Variants in STRN observed in about 807,000 individuals in gnomAD.
STRN encodes the protein protein phosphatase 2 regulatory subunit B'''alpha.
A neutral mutation model predicts 96.3 loss-of-function variants in STRN; 53 were observed. That is an observed-to-expected ratio of 0.55 (90% CI 0.44 to 0.69). The LOEUF (loss-of-function observed/expected upper bound fraction) is 0.69, where lower values mean the gene tolerates loss of function less well. Ranked by LOEUF, STRN falls within the 30% of genes least tolerant of loss-of-function variation. STRN has a pLI of 0.00. For synonymous variants in STRN, 428 were observed against 355.9 expected, an observed-to-expected ratio of 1.20 and a Z score of -2.28; for missense variants, 987 against 963.9, an observed-to-expected ratio of 1.02 and a Z score of -0.32.
chr2:36,876,485 T>C (rs939884495), intron 10 of STRN, among the ~76,000 whole-genome samples: 4 of 151,700 alleles, frequency 2.6e-5, no homozygotes, highest in African/African-American at 9.7e-5. Context: ...AGGTTGGGAG[T>C]TTTTTTATCT....
chr2:36,886,878 C>T lies in STRN; in HGVS notation c.932-52G>A, dbSNP rs758431126. 2.1e-6 allele frequency: 3 copies of T among 1,423,700 alleles called. No individual in the cohort carries two copies. The South Asian group carries it at 3.8e-5, about 18-fold the overall frequency. 88.2% of individuals were successfully genotyped at this position (1,423,700 alleles called of 1,614,324 possible). The stretch of plus-strand genomic sequence containing the variant: ...GCCTTTTTCAATAAAATATTGAACA[C>T]TCTGAGTCAGTATGTCTGAATGACG... On this transcript the variant is annotated intron_variant, in intron 7 of 17. Transcript: ENST00000263918.
intron 3 of STRN, among the ~76,000 whole-genome samples, chr2:36,912,335 C>A (rs1035669094): frequency 6.6e-6 from 1 of 152,182 alleles, no homozygotes; most frequent in Non-Finnish European, 1.5e-5. Context: ...ACCTTCACAA[C>A]CTAAGCTTCC....
Position 36,894,031 on chromosome 2 carries a change from A to T in STRN, c.798T>A (p.Ile266=). 5 of 1,609,078 alleles carry T rather than the reference A, an allele frequency of 3.1e-6. No homozygotes were observed. The highest frequency in any genetic ancestry group is 4.2e-6 in the Non-Finnish European group (5 of 1,178,886). ...TGTCAGGCAATGCTTTTTTCCTAACAATCTAATGAAAAAACATGCTAAATT... is the reference window on the plus strand; with the variant it reads ...TGTCAGGCAATGCTTTTTTCCTAACTATCTAATGAAAAAACATGCTAAATT... ...REKSVIDTST[I]VRKKALPDSG... Residue 266 remains isoleucine (I), a splice_region_variant and synonymous_variant, in exon 7 of 18, where the codon ATT becomes ATA. Transcript: ENST00000263918.
intron 1 of STRN, among the ~76,000 whole-genome samples, chr2:36,944,488 A>T (rs961278642): frequency 5.9e-5 from 9 of 152,226 alleles, no homozygotes; most frequent in Non-Finnish European, 2.9e-5. Flanking sequence ...AATCCATTAC[A>T]TAAGCCCATG....
At position 36,855,359 on chromosome 2, in the gene STRN, G is replaced by C. The variant is rs1323867035; in HGVS notation, c.1838-7C>G. The C allele has an allele frequency of 1.9e-6, 3 of 1,611,886 alleles. No homozygotes were observed. The highest frequency in any genetic ancestry group is 2.5e-6 in the Non-Finnish European group (3 of 1,179,204). ...GAGGCAGGGATTCCCAGTTCTGAAA[G>C]AGAACATATTGAAATAGAATGGCAA... On this transcript the variant is annotated splice_polypyrimidine_tract_variant and splice_region_variant and intron_variant, in intron 14 of 17. Coordinates refer to ENST00000263918, the MANE Select transcript of STRN (RefSeq NM_003162.4).
chr2:36,896,424 A>G (rs1412783017), intron 6 of STRN, among the ~76,000 whole-genome samples: 1 of 152,206 alleles, frequency 6.6e-6, no homozygotes, highest in African/African-American at 2.4e-5. Context: ...TGTGTTTACC[A>G]CTGGAGAACA....
chr2:36,935,736 C>T (rs1207982289), intron 1 of STRN, among the ~76,000 whole-genome samples: 1 of 152,084 alleles, frequency 6.6e-6, no homozygotes. Context: ...AAGTGCCTTG[C>T]AATACTGCGG....
chr2:36,857,057 T>C (rs1668364011), intron 14 of STRN, among the ~76,000 whole-genome samples: 1 of 151,886 alleles, frequency 6.6e-6, no homozygotes, highest in Non-Finnish European at 1.5e-5. Context: ...GGTATTTCTT[T>C]ATAGTGGTAC....
At chr2:36,944,163 C>A (rs912705477) in intron 1 of STRN, among the ~76,000 whole-genome samples, 1 of 152,046 alleles carries the variant, frequency 6.6e-6, no homozygotes, top group South Asian at 2.1e-4. Flanking sequence ...CATATATATA[C>A]ACACTAACAG....
intron 10 of STRN, among the ~76,000 whole-genome samples, chr2:36,873,275 C>G (rs1322307519): frequency 6.6e-6 from 1 of 152,134 alleles, no homozygotes; most frequent in Non-Finnish European, 1.5e-5. Flanking sequence ...GACAACTTTT[C>G]AAATAACAGT....
Position 36,848,630 on chromosome 2 carries a change from T to C in STRN, c.*826A>G, listed in dbSNP as rs1179228037. 1 of 152,188 alleles carries C rather than the reference T, an allele frequency of 6.6e-6. No homozygotes were observed. The highest frequency in any genetic ancestry group is 1.5e-5 in the Non-Finnish European group (1 of 68,030). The allele number at this position is 152,188 out of a possible 1,614,324, so 9.4% of individuals were successfully genotyped here. A position where few individuals can be genotyped will look rare whatever the true frequency, so the allele number is the denominator to read the frequency against. ...AAAGTGAATTTTAAAATAGAAATTA[T>C]TAAAGAGATATGCCCTGTTTACCCT... On this transcript the variant is annotated 3_prime_UTR_variant, in exon 18 of 18. Coordinates refer to ENST00000263918, the MANE Select transcript of STRN (RefSeq NM_003162.4).
At chr2:36,924,178 A>C (rs1469310874) in intron 2 of STRN, among the ~76,000 whole-genome samples, 1 of 152,044 alleles carries the variant, frequency 6.6e-6, no homozygotes, top group Non-Finnish European at 1.5e-5. Flanking sequence ...CACATGGTGA[A>C]ACCCCATCTC....
chr2:36,907,804 G>A (rs1669862506), intron 3 of STRN, among the ~76,000 whole-genome samples: 1 of 151,998 alleles, frequency 6.6e-6, no homozygotes, highest in African/African-American at 2.4e-5. Flanking sequence ...AGAAATACAT[G>A]AATAAAAATA....
At chr2:36,873,115 C>CA (rs1301170799) in intron 10 of STRN, among the ~76,000 whole-genome samples, 2 of 152,144 alleles carry the variant, frequency 1.3e-5, no homozygotes, top group Non-Finnish European at 2.9e-5. Flanking sequence ...TGGCATCCTA[C>CA]ACATAAGGGT....
intron 1 of STRN, among the ~76,000 whole-genome samples, chr2:36,946,265 T>TA (rs1670982401): frequency 6.6e-6 from 1 of 151,456 alleles, no homozygotes; most frequent in African/African-American, 2.4e-5. Flanking sequence ...AACATCCAAA[T>TA]ATGAGAAAGA....
intron 3 of STRN, among the ~76,000 whole-genome samples, chr2:36,908,283 T>C (rs904929013): frequency 7.2e-5 from 11 of 152,218 alleles, no homozygotes; most frequent in Non-Finnish European, 1.6e-4. Context: ...CAACTACTTC[T>C]GCCTATTTTG....
At chr2:36,903,200 A>T (rs955713993) in intron 4 of STRN, among the ~76,000 whole-genome samples, 3 of 152,182 alleles carry the variant, frequency 2.0e-5, no homozygotes, top group Admixed American at 2.0e-4. Flanking sequence ...TTATTTCTCG[A>T]GTCACTCTAC....
rs1249554546 is a variant in STRN, at chr2:36,899,638, G to A, written c.680C>T (p.Ser227Phe). Residue 227 changes from serine to phenylalanine, a missense_variant, in exon 6 of 18, where the codon TCT (serine) becomes TTT (phenylalanine). By Grantham distance (155) the Ser-to-Phe change is radical. Coordinates refer to ENST00000263918, the MANE Select transcript of STRN (RefSeq NM_003162.4). ...TTTGAAATTATCCAGCACGGAGGCAGAATCTGTTAACTCAGATTTTCTGGT... is the reference window on the plus strand; with the variant it reads ...TTTGAAATTATCCAGCACGGAGGCAAAATCTGTTAACTCAGATTTTCTGGT... ...AMIAKSELTD[S>F]ASVLDNFKFL... 1 of 1,610,790 alleles carries A rather than the reference G, an allele frequency of 6.2e-7. No individual in the cohort carries two copies. The highest frequency in any genetic ancestry group is 8.5e-7 in the Non-Finnish European group (1 of 1,178,530).
chr2:36,850,739 C>T (rs1668196925), intron 16 of STRN, among the ~76,000 whole-genome samples: 1 of 152,006 alleles, frequency 6.6e-6, no homozygotes, highest in Non-Finnish European at 1.5e-5. Flanking sequence ...TTCCTGGTGT[C>T]CCTAGTGATA....
Sources: gnomAD v4.1 joint callset for allele counts (sites outside exome capture counted in the v4.1 genomes callset) on GRCh38, gnomAD v4.1.1 for gene constraint, MANE v1.5 for transcripts, NCBI Gene and HGNC (gene_info 2026-07-23, HGNC 2026-07-21) for gene names.